ZNF654: variants seen among roughly 807,000 people sequenced by gnomAD.
ZNF654 encodes melanoma-associated antigen.
In ZNF654, 19 loss-of-function variants were observed where a neutral mutation model predicts 95.3. That is an observed-to-expected ratio of 0.20 (90% CI 0.14 to 0.29). The LOEUF is 0.29. Among genes scored for constraint, ZNF654 ranks in the 10% least tolerant of loss-of-function variants. The probability of loss-of-function intolerance (pLI) is 1.00; values close to 1 mark genes in which losing one functional copy is unlikely to be tolerated. For synonymous variants in ZNF654, 413 were observed against 457.9 expected (o/e 0.90, Z 1.25); for missense variants, 1,046 against 1,341.0 (o/e 0.78, Z 3.44).
chr3:88,091,774 T>G (rs979592676), intron 2 of ZNF654, among the ~76,000 whole-genome samples: 4 of 152,210 alleles, frequency 2.6e-5, no homozygotes, highest in Non-Finnish European at 5.9e-5. Context: ...CCCCTGCACA[T>G]GCTCTCTTGC....
intron 1 of ZNF654, among the ~76,000 whole-genome samples, chr3:88,073,771 T>G (rs565833909): frequency 6.6e-6 from 1 of 152,236 alleles, no homozygotes; most frequent in Admixed American, 6.5e-5. Flanking sequence ...AAAGGAAGAG[T>G]AAAAATTGTT....
chr3:88,143,563 G>A lies in ZNF654; in HGVS notation c.*1911G>A, dbSNP rs191221516. The A allele has an allele frequency of 6.6e-6, 1 of 152,370 alleles. No homozygotes were observed. The highest frequency in any genetic ancestry group is 1.9e-4 in the East Asian group (1 of 5,180). 9.4% of individuals were successfully genotyped at this position (152,370 alleles called of 1,614,324 possible). ...ATATTTCTGCTTTGTACATTTTCCA[G>A]AAGTTTAATATTTTATCACATTTTC... On this transcript the variant is annotated 3_prime_UTR_variant, in exon 9 of 9. Transcript: ENST00000636215.
intron 1 of ZNF654, among the ~76,000 whole-genome samples, chr3:88,071,974 CA>C (rs1345696593): frequency 6.6e-6 from 1 of 152,120 alleles, no homozygotes; most frequent in Non-Finnish European, 1.5e-5. Flanking sequence ...TCTTGTCAAA[CA>C]GTACATACTT....
intron 2 of ZNF654, among the ~76,000 whole-genome samples, chr3:88,107,160 TCTTAA>T (rs1247675150): frequency 2.6e-5 from 4 of 152,178 alleles, no homozygotes; most frequent in African/African-American, 9.6e-5. Flanking sequence ...GGAATTTAGC[TCTTAA>T]CTTATTGAGG....
chr3:88,129,496 G>A (rs1365877327), intron 5 of ZNF654, among the ~76,000 whole-genome samples, 191 bp from the exon 6 acceptor site: 1 of 152,072 alleles, frequency 6.6e-6, no homozygotes, highest in Non-Finnish European at 1.5e-5. Flanking sequence ...ATTAAAAGTA[G>A]TCATTGTAAA....
intron 3 of ZNF654, among the ~76,000 whole-genome samples, chr3:88,120,651 C>T (rs927646285): frequency 6.6e-6 from 1 of 152,150 alleles, no homozygotes; most frequent in Non-Finnish European, 1.5e-5. Context: ...TTCTGCTTTA[C>T]TATACAGTTT....
intron 2 of ZNF654, among the ~76,000 whole-genome samples, chr3:88,097,482 C>T (rs1230317389): frequency 6.6e-6 from 1 of 152,018 alleles, no homozygotes; most frequent in Non-Finnish European, 1.5e-5. Flanking sequence ...CCAAGCAGAC[C>T]TAACAGACAT....
intron 2 of ZNF654, among the ~76,000 whole-genome samples, chr3:88,103,175 TA>T (rs1313222597): frequency 1.3e-5 from 2 of 152,014 alleles, no homozygotes; most frequent in Admixed American, 1.3e-4. Context: ...CATTTTTTTT[TA>T]AAAAAGAGAC....
At chr3:88,085,509 C>A (rs1708293749) in intron 1 of ZNF654, among the ~76,000 whole-genome samples, 2 of 152,148 alleles carry the variant, frequency 1.3e-5, no homozygotes, top group African/African-American at 4.8e-5. Flanking sequence ...ATCAGGCAGG[C>A]AGGCAGTAGT....
At chr3:88,125,345 C>T (rs189469199) in intron 3 of ZNF654, among the ~76,000 whole-genome samples, 6 of 152,068 alleles carry the variant, frequency 3.9e-5, no homozygotes, top group African/African-American at 1.4e-4. Context: ...ATTCAGTAAA[C>T]TAAGACTCAT....
chr3:88,087,355 G>A (rs377367393), intron 2 of ZNF654, among the ~76,000 whole-genome samples: 1 of 152,132 alleles, frequency 6.6e-6, no homozygotes, highest in African/African-American at 2.4e-5. Context: ...GATTACAGGC[G>A]TGAGCTACCA....
chr3:88,143,382 T>C lies in ZNF654; in HGVS notation c.*1730T>C, dbSNP rs895096232. On this transcript the variant is annotated 3_prime_UTR_variant, in exon 9 of 9. Transcript: ENST00000636215. The stretch of plus-strand genomic sequence containing the variant: ...TAGGTAACTAAACACAGCTCATAAT[T>C]AAAATCTTTTCTTTAAGGTCAGCTA... 1.3e-5 allele frequency: 2 copies of C among 152,304 alleles called. No homozygotes were observed. Among genetic ancestry groups the C allele is most frequent in the African/African-American group, 4.8e-5 (2 of 41,430 alleles). 9.4% of individuals were successfully genotyped at this position (152,304 alleles called of 1,614,324 possible).
rs199952664 is a variant in ZNF654 at position 88,120,324 on chromosome 3, A to G, written c.415-5810A>G. Among the ~76,000 whole-genome samples, 17 of 152,324 alleles carry G rather than the reference A, an allele frequency of 1.1e-4. No homozygotes were observed. In the East Asian group the frequency reaches 2.9e-3, roughly 26 times the overall value. On this transcript the variant is annotated intron_variant, in intron 3 of 8. Coordinates refer to ENST00000636215, the MANE Select transcript of ZNF654 (RefSeq NM_001350134.2). ...TATGCTTATATGTTTACAGTAATGT[A>G]TATGGCAAAAGAACAGGTTTAAATG...
At chr3:88,135,995 TGTA>T (rs771100647) in intron 7 of ZNF654, among the ~76,000 whole-genome samples, 1 of 152,120 alleles carries the variant, frequency 6.6e-6, no homozygotes, top group South Asian at 2.1e-4. Context: ...TGTATGATCA[TGTA>T]GTGATCATAT....
chr3:88,136,172 T>C (rs1706772245), intron 7 of ZNF654, among the ~76,000 whole-genome samples: 1 of 152,274 alleles, frequency 6.6e-6, no homozygotes. Context: ...TAAAACTTAA[T>C]TTTAAACAAT....
At chr3:88,059,609 C>G in intron 1 of ZNF654, 104 bp downstream of exon 1, 1 of 1,399,302 alleles carries the variant, frequency 7.1e-7, no homozygotes, top group Non-Finnish European at 9.3e-7. Flanking sequence ...AGTGCCCGCT[C>G]CTCCCCAACA....
At chr3:88,075,850 A>G (rs1707772679) in intron 1 of ZNF654, among the ~76,000 whole-genome samples, 3 of 152,116 alleles carry the variant, frequency 2.0e-5, no homozygotes. Context: ...AAGTGCATCA[A>G]AAAGCATTCA....
Position 88,138,837 on chromosome 3 carries a change from A to G in ZNF654, c.1168A>G (p.Ile390Val), listed in dbSNP as rs1706958449. 8.1e-6 allele frequency: 10 copies of G among 1,232,014 alleles called. No homozygotes were observed. Among genetic ancestry groups the G allele is most frequent in the Non-Finnish European group, 1.0e-5 (10 of 987,914 alleles). 76.3% of individuals were successfully genotyped at this position (1,232,014 alleles called of 1,614,324 possible). The change falls in exon 8 of 9, where the codon ATC (isoleucine) becomes GTC (valine). Residue 390 changes from isoleucine to valine, a missense_variant. This residue lies in a region of ZNF654 where 78 missense variants were observed against 154.2 expected (regional missense o/e 0.51). Transcript: ENST00000636215. ...ACATTTTTTGCCAAATGATTTGGAGATCCTCAGGATTTGTGCACTCTCAAT... is the reference window on the plus strand; with the variant it reads ...ACATTTTTTGCCAAATGATTTGGAGGTCCTCAGGATTTGTGCACTCTCAAT... ...IAHFLPNDLE[I>V]LRICALSIFF...
At chr3:88,130,847 A>C (rs1317809459) in intron 6 of ZNF654, among the ~76,000 whole-genome samples, 1 of 151,990 alleles carries the variant, frequency 6.6e-6, no homozygotes, top group Non-Finnish European at 1.5e-5. Context: ...GAAACAGGTA[A>C]ATTTGTTTTC....
Sources: gnomAD v4.1 joint callset for allele counts (sites outside exome capture counted in the v4.1 genomes callset) on GRCh38, gnomAD v4.1.1 for gene constraint, gnomAD v4.1.1 regional missense constraint, MANE v1.5 for transcripts, NCBI Gene and HGNC (gene_info 2026-07-23, HGNC 2026-07-21) for gene names.